USP28: variants seen among roughly 807,000 people sequenced by gnomAD.
USP28 encodes ubiquitin carboxyl-terminal hydrolase 28.
A neutral mutation model predicts 145.0 loss-of-function variants in USP28; 113 were observed. The observed-to-expected ratio is 0.78, with a 90% CI of 0.67 to 0.91. The LOEUF (loss-of-function observed/expected upper bound fraction) is 0.91, where lower values mean the gene tolerates loss of function less well. USP28 is among the 40% of genes least tolerant of loss of function. The pLI, the probability that USP28 is intolerant of heterozygous loss-of-function variation, is 0.00. For missense variants in USP28, 1,201 were observed against 1,289.6 expected (o/e 0.93, Z 1.05); for synonymous variants, 447 against 450.9 (o/e 0.99, Z 0.11).
chr11:113,803,120 C>T, intron 23 of USP28, 38 bp downstream of exon 24: 1 of 1,580,992 alleles, frequency 6.3e-7, no homozygotes, highest in Non-Finnish European at 8.6e-7. Flanking sequence ...CAGAGGTAAA[C>T]AACAAAAAAA....
intron 1 of USP28, among the ~76,000 whole-genome samples, chr11:113,873,090 A>T (rs2137260582): frequency 6.6e-6 from 1 of 152,324 alleles, no homozygotes; most frequent in African/African-American, 2.4e-5. Context: ...CTCAACTAGA[A>T]CAATGAAATA....
chr11:113,830,909 G>A lies in USP28; in HGVS notation c.868C>T (p.Gln290Ter). The A allele has an allele frequency of 6.2e-7, 1 of 1,614,068 alleles. No individual in the cohort carries two copies. The highest frequency in any genetic ancestry group is 8.5e-7 in the Non-Finnish European group (1 of 1,179,938). Residue 290 changes from glutamine (Q) to a stop codon, truncating the protein, a stop_gained, in exon 9 of 25, where the codon CAG becomes TAG. Transcript: ENST00000003302. LOFTEE classifies it high-confidence loss of function. ...GTCAGGAAAGTACCATAGAACAGCT[G>A]CACCATTGGATTTTCAGATTTGTTC...
chr11:113,808,254 G>T, intron 18 of USP28, 44 bp downstream of exon 18: 1 of 1,592,716 alleles, frequency 6.3e-7, no homozygotes. Flanking sequence ...CATCGCTGCT[G>T]AAAGCCCGGC....
chr11:113,803,801 C>A (rs750583496), exon 22 of USP28: 2 of 1,613,146 alleles, frequency 1.2e-6, no homozygotes, highest in Non-Finnish European at 1.7e-6. Context: ...AACATACTTT[C>A]CTTTTTGATA....
At chr11:113,844,302 G>A (rs111417902) in intron 3 of USP28, among the ~76,000 whole-genome samples, 3 of 151,946 alleles carry the variant, frequency 2.0e-5, no homozygotes, top group Non-Finnish European at 2.9e-5. Flanking sequence ...TTAGCCGGGC[G>A]TGGTGGCAGG....
chr11:113,854,657 C>T (rs1050972352), intron 1 of USP28, among the ~76,000 whole-genome samples: 2 of 152,204 alleles, frequency 1.3e-5, no homozygotes, highest in Non-Finnish European at 2.9e-5. Context: ...GCCTAGGCCT[C>T]CCAAAGTCCG....
At chr11:113,852,655 G>A (rs376403002) in intron 2 of USP28, 22 bp from the exon 3 acceptor site, 771 of 1,612,400 alleles carry the variant, frequency 4.8e-4, no homozygotes, top group Non-Finnish European at 6.1e-4. Flanking sequence ...AAAGACAATA[G>A]AAATTTCAAA....
intron 4 of USP28, among the ~76,000 whole-genome samples, 182 bp from the exon 5 acceptor site, chr11:113,840,939 T>C (rs920716563): frequency 1.1e-4 from 17 of 152,194 alleles, no homozygotes; most frequent in Admixed American, 9.8e-4. Context: ...GATTTATACA[T>C]AGAAATGTTA....
At chr11:113,801,550 C>T in exon 24 of USP28, 1 of 1,609,706 alleles carries the variant, frequency 6.2e-7, no homozygotes, top group South Asian at 1.1e-5. Context: ...CCAGATCATC[C>T]TTGGAAATGT....
chr11:113,844,505 G>C (rs1309634911), intron 3 of USP28, among the ~76,000 whole-genome samples: 4 of 80,800 alleles, frequency 5.0e-5, no homozygotes, highest in Non-Finnish European at 1.1e-4. Flanking sequence ...TGCAAAACAT[G>C]CATCTGATAA....
At chr11:113,819,734 T>G (rs1243251657) in intron 12 of USP28, among the ~76,000 whole-genome samples, 1 of 152,214 alleles carries the variant, frequency 6.6e-6, no homozygotes, top group Non-Finnish European at 1.5e-5. Flanking sequence ...TTTATTTATT[T>G]ATGAGACAGA....
In USP28 at chr11:113,820,069, C is replaced by T. The variant is rs11214734; in HGVS notation, c.1284-2232G>A. On this transcript the variant is annotated intron_variant, in intron 12 of 24. Coordinates refer to ENST00000003302, the Ensembl canonical transcript of USP28. ...AATTTAATATCCTACTGCTCAAGGT[C>T]ATTGCCAAGGTCTTATTTTTCACCA... Among the ~76,000 whole-genome samples the T allele has an allele frequency of 2.6e-5, 4 of 152,302 alleles. No homozygotes were observed. The East Asian group carries it at 7.7e-4, about 29-fold the overall frequency.
At chr11:113,833,080 G>A (rs1440171620) in intron 7 of USP28, among the ~76,000 whole-genome samples, 1 of 152,160 alleles carries the variant, frequency 6.6e-6, no homozygotes, top group Non-Finnish European at 1.5e-5. Context: ...TGCAGACAAA[G>A]GACTACTTTT....
At chr11:113,827,412 T>A (rs753674128) in intron 10 of USP28, 52 bp from the exon 11 acceptor site, 4 of 1,517,220 alleles carry the variant, frequency 2.6e-6, no homozygotes, top group Admixed American at 2.3e-5. Flanking sequence ...TTTAGGAAAT[T>A]ACAATAACCA....
At chr11:113,813,937 G>A (rs976093450) in exon 15 of USP28, 2 of 1,609,206 alleles carry the variant, frequency 1.2e-6, no homozygotes, top group South Asian at 2.2e-5. Context: ...AGTAGTACTT[G>A]CAATACAAGT....
chr11:113,813,460 T>C (rs1443381502), intron 15 of USP28, among the ~76,000 whole-genome samples: 4 of 152,220 alleles, frequency 2.6e-5, no homozygotes, highest in Admixed American at 2.6e-4. Flanking sequence ...TAACTCTCTT[T>C]TGGAATTTAT....
chr11:113,805,975 C>A (rs1939881987), intron 19 of USP28, among the ~76,000 whole-genome samples: 1 of 152,128 alleles, frequency 6.6e-6, no homozygotes, highest in African/African-American at 2.4e-5. Context: ...GTCACCCAGA[C>A]TGGAATGCAG....
At chr11:113,829,522 A>C in intron 9 of USP28, 177 bp from the exon 10 acceptor site, 1 of 703,622 alleles carries the variant, frequency 1.4e-6, no homozygotes, top group Non-Finnish European at 2.3e-6. Flanking sequence ...CTGAACAATG[A>C]AAACCAGTAA....
At chr11:113,835,492 C>G (rs1345227198) in intron 5 of USP28, among the ~76,000 whole-genome samples, 7 of 152,204 alleles carry the variant, frequency 4.6e-5, no homozygotes, top group African/African-American at 1.4e-4. Flanking sequence ...CTAACACAAG[C>G]CCTGGCGGGA....
Sources: allele counts gnomAD v4.1 joint callset (sites outside exome capture counted in the v4.1 genomes callset), GRCh38; gene constraint gnomAD v4.1.1; transcripts MANE v1.5; gene names NCBI Gene and HGNC (gene_info 2026-07-23, HGNC 2026-07-21).